Variants in ACAD11 observed in about 807,000 individuals in gnomAD.
ACAD11 encodes acyl-CoA dehydrogenase family member 11, also known as acyl-Coenzyme A dehydrogenase family, member 11.
ACAD11 carries 83 observed loss-of-function variants against 102.2 expected under a neutral mutation model. The ratio of observed to expected loss-of-function variants is 0.81; its 90% CI spans 0.68 to 0.97. The LOEUF (loss-of-function observed/expected upper bound fraction) is 0.97. Among genes scored for constraint, ACAD11 ranks in the 50% least tolerant of loss-of-function variants. The pLI, the probability that ACAD11 is intolerant of heterozygous loss-of-function variation, is 0.00. For synonymous variants in ACAD11, 324 were observed against 319.8 expected (o/e 1.01, Z -0.14); for missense variants, 901 against 951.7 (o/e 0.95, Z 0.70).
At position 132,567,418 on chromosome 3, in the gene ACAD11, T is replaced by C. The variant is rs549159669; in HGVS notation, c.2002-6201A>G. On this transcript the variant is annotated intron_variant, in intron 17 of 19. Coordinates refer to ENST00000264990, the MANE Select transcript of ACAD11 (RefSeq NM_032169.5). ...AGAGAAAGGTAACTAGATAGATAGA[T>C]AAACATGTATATATAATACCTAGAA... is the stretch of plus-strand genomic sequence containing the variant. Among the ~76,000 whole-genome samples the C allele has an allele frequency of 4.9e-3, 743 of 152,108 alleles. 4 individuals are homozygous for C. The highest frequency in any genetic ancestry group is 8.4e-3 in the Admixed American group (128 of 15,266).
chr3:132,583,072 G>A (rs1387603597), intron 13 of ACAD11, among the ~76,000 whole-genome samples: 5 of 152,166 alleles, frequency 3.3e-5, no homozygotes, highest in Non-Finnish European at 5.9e-5. Flanking sequence ...CATAAAATGA[G>A]TTAGGGAGGA....
chr3:132,605,148 C>A lies in ACAD11; in HGVS notation c.1472G>T (p.Trp491Leu). 1 of 1,613,756 alleles carries A rather than the reference C, an allele frequency of 6.2e-7. No homozygotes were observed. The highest frequency in any genetic ancestry group is 1.3e-5 in the African/African-American group (1 of 75,016). ...GTTCCCTTGAAGAAGAGGCTCAAGCCACTGTTTCTTCTGTTCCTCACTTCC... is the reference window on the plus strand; with the variant it reads ...GTTCCCTTGAAGAAGAGGCTCAAGCAACTGTTTCTTCTGTTCCTCACTTCC... ...LYGSEEQKKQ[W>L]LEPLLQGNIT... Residue 491 changes from tryptophan (W) to leucine (L), a missense_variant, in exon 12 of 20, where the codon TGG becomes TTG. By Grantham distance (61) the Trp-to-Leu change is moderately conservative. Transcript: ENST00000264990.
intron 1 of ACAD11, among the ~76,000 whole-genome samples, 178 bp from the exon 2 acceptor site, chr3:132,645,074 G>A (rs1576619476): frequency 6.6e-6 from 1 of 152,302 alleles, no homozygotes; most frequent in Middle Eastern, 3.4e-3. Context: ...TAAAGCAGAT[G>A]GCAACATACT....
intron 17 of ACAD11, among the ~76,000 whole-genome samples, chr3:132,567,553 CAG>C (rs1937251175): frequency 6.6e-6 from 1 of 151,754 alleles, no homozygotes; most frequent in South Asian, 2.1e-4. Flanking sequence ...AAAAGGAAAA[CAG>C]AAAAACAATA....
chr3:132,655,781 G>T (rs1039701062), intron 1 of ACAD11, among the ~76,000 whole-genome samples: 9 of 152,196 alleles, frequency 5.9e-5, no homozygotes, highest in African/African-American at 1.7e-4. Context: ...CTCAGTGGTT[G>T]ATACAGTGCC....
At chr3:132,605,798 A>G (rs1216109484) in intron 11 of ACAD11, among the ~76,000 whole-genome samples, 3 of 152,222 alleles carry the variant, frequency 2.0e-5, no homozygotes, top group Admixed American at 6.5e-5. Context: ...CTGAACTTAC[A>G]TAACAATTAT....
chr3:132,653,996 T>C (rs1389523535), intron 1 of ACAD11, among the ~76,000 whole-genome samples: 1 of 152,222 alleles, frequency 6.6e-6, no homozygotes, highest in Admixed American at 6.5e-5. Flanking sequence ...ACTATACATA[T>C]CTACTTGGAT....
chr3:132,619,260 T>C (rs549650714), intron 10 of ACAD11, among the ~76,000 whole-genome samples: 4 of 152,312 alleles, frequency 2.6e-5, no homozygotes, highest in African/African-American at 9.6e-5. Flanking sequence ...TGAACAGTTG[T>C]AAGAGGTTGT....
At position 132,647,784 on chromosome 3, in the gene ACAD11, G is replaced by T. The variant is rs6763956; in HGVS notation, c.150-2888C>A. Among the ~76,000 whole-genome samples, 1,338 of 152,174 alleles carry T rather than the reference G, an allele frequency of 8.8e-3. 17 individuals carry two copies. Among genetic ancestry groups the T allele is most frequent in the African/African-American group, 0.031 (1,286 of 41,500 alleles). On this transcript the variant is annotated intron_variant, in intron 1 of 19. Transcript: ENST00000264990. ...TGCTATTATGAAATACCATAGACTG[G>T]GTAGCTTATAAACAACAGATATTTA...
intron 1 of ACAD11, among the ~76,000 whole-genome samples, chr3:132,646,269 G>A (rs992711068): frequency 5.9e-5 from 9 of 152,078 alleles, no homozygotes; most frequent in Non-Finnish European, 1.2e-4. Flanking sequence ...TGGCAACAAC[G>A]AATCTCACAA....
chr3:132,561,206 A>C lies in ACAD11; in HGVS notation c.2013T>G (p.Ala671=), dbSNP rs774352880. 3 of 1,612,902 alleles carry C rather than the reference A, an allele frequency of 1.9e-6. No homozygotes were observed. Among genetic ancestry groups the C allele is most frequent in the Non-Finnish European group, 2.5e-6 (3 of 1,179,204 alleles). The change falls in exon 18 of 20, where the codon GCT becomes GCG. Residue 671 remains alanine, a synonymous_variant. Coordinates refer to ENST00000264990, the MANE Select transcript of ACAD11 (RefSeq NM_032169.5). ...KKKLYAHEVV[A]HWIAESRIAI... ...CAATGCGGCTTTCAGCAATCCAGTGAGCCACAACCTCCTATAGGGGAGGAA... is the reference window on the plus strand; with the variant it reads ...CAATGCGGCTTTCAGCAATCCAGTGCGCCACAACCTCCTATAGGGGAGGAA...
intron 3 of ACAD11, 59 bp downstream of exon 3, chr3:132,642,618 C>G (rs763195827): frequency 3.4e-6 from 5 of 1,477,556 alleles, no homozygotes; most frequent in Non-Finnish European, 4.6e-6. Context: ...AATAAAACAT[C>G]TTAATTAACT....
intron 17 of ACAD11, among the ~76,000 whole-genome samples, chr3:132,575,287 T>A (rs1937506796): frequency 6.6e-6 from 1 of 152,220 alleles, no homozygotes; most frequent in African/African-American, 2.4e-5. Context: ...CCATTTCTAC[T>A]TGTGTTTCTC....
At chr3:132,607,556 A>G (rs1050837448) in intron 11 of ACAD11, among the ~76,000 whole-genome samples, 9 of 152,224 alleles carry the variant, frequency 5.9e-5, no homozygotes, top group African/African-American at 2.2e-4. Flanking sequence ...GAAATAAAGC[A>G]TGAAGACAAG....
intron 1 of ACAD11, 95 bp downstream of exon 1, chr3:132,659,508 G>T (rs897388672): frequency 6.4e-7 from 1 of 1,558,212 alleles, no homozygotes; most frequent in Non-Finnish European, 8.7e-7. Context: ...AAAGCAATCA[G>T]GGTGGGAGAA....
At chr3:132,589,584 TCAA>T (rs1352933295) in intron 13 of ACAD11, among the ~76,000 whole-genome samples, 1 of 152,206 alleles carries the variant, frequency 6.6e-6, no homozygotes, top group Non-Finnish European at 1.5e-5. Context: ...GGCTGAAGGA[TCAA>T]CGCTACTTGC....
In ACAD11 at chr3:132,578,777, A is replaced by T. The variant is rs754909602; in HGVS notation, c.1774+19T>A. On this transcript the variant is annotated intron_variant, in intron 15 of 19. Coordinates refer to ENST00000264990, the MANE Select transcript of ACAD11 (RefSeq NM_032169.5). ...CCTTCCTGCTTGCTAATGCATGGTC[A>T]TATTTATTGGATACCTACCTGTGTA... The T allele has an allele frequency of 2.5e-6, 4 of 1,610,686 alleles. No homozygotes were observed. The highest frequency in any genetic ancestry group is 8.5e-7 in the Non-Finnish European group (1 of 1,178,700).
At chr3:132,589,915 G>A (rs777788750) in intron 13 of ACAD11, among the ~76,000 whole-genome samples, 4 of 151,980 alleles carry the variant, frequency 2.6e-5, no homozygotes, top group African/African-American at 7.3e-5. Flanking sequence ...CCTTGTTTGC[G>A]TTCGTAAGTT....
rs1939533769 is a variant in ACAD11 at position 132,619,543 on chromosome 3, C to T, written c.1200G>A (p.Glu400=). The T allele has an allele frequency of 6.3e-7, 1 of 1,576,072 alleles. No homozygotes were observed. Among genetic ancestry groups the T allele is most frequent in the Middle Eastern group, 1.7e-4 (1 of 5,924 alleles). The change falls in exon 10 of 20, where the codon GAG becomes GAA. Residue 400 remains glutamate, a splice_region_variant and synonymous_variant. Coordinates refer to ENST00000264990, the MANE Select transcript of ACAD11 (RefSeq NM_032169.5). ...CATTTTGAACATAGAACTCAGTTAC[C>T]TCCTTAAAGTAATAAAAGAAAAAAA... ...MKQHILPAEK[E]VTEFYVQNEN... is the part of the protein sequence containing the mutation.
Sources: allele counts gnomAD v4.1 joint callset (sites outside exome capture counted in the v4.1 genomes callset), GRCh38; gene constraint gnomAD v4.1.1; transcripts MANE v1.5; gene names NCBI Gene and HGNC (gene_info 2026-07-23, HGNC 2026-07-21).